Variants in KCNAB1 observed in about 807,000 individuals in gnomAD.
The protein encoded by KCNAB1 is potassium voltage-gated channel subfamily A regulatory beta subunit 1, also known as voltage-gated potassium channel subunit beta-1.
KCNAB1 carries 35 observed loss-of-function variants against 64.6 expected under a neutral mutation model. The observed-to-expected ratio is 0.54, with a 90% CI of 0.41 to 0.72. The LOEUF is 0.72. KCNAB1 is among the 30% of genes least tolerant of loss of function. KCNAB1 has a pLI of 0.00. For synonymous variants in KCNAB1, 177 were observed against 183.8 expected (o/e 0.96, Z 0.30); for missense variants, 401 against 512.9 (o/e 0.78, Z 2.11).
intron 1 of KCNAB1, among the ~76,000 whole-genome samples, chr3:156,250,731 A>C (rs534731632): frequency 1.3e-3 from 202 of 152,290 alleles, no homozygotes; most frequent in African/African-American, 4.7e-3. Context: ...GATGATGTGG[A>C]AAGGGGATTT....
At chr3:156,463,868 T>C (rs1169016455) in intron 6 of KCNAB1, 122 bp downstream of exon 6, 7 of 667,550 alleles carry the variant, frequency 1.0e-5, no homozygotes, top group Non-Finnish European at 1.7e-5. Flanking sequence ...TTTTTGTTTT[T>C]TTTTTGTTTT....
At chr3:156,476,370 C>T (rs1714343352) in intron 8 of KCNAB1, among the ~76,000 whole-genome samples, 1 of 152,098 alleles carries the variant, frequency 6.6e-6, no homozygotes, top group Non-Finnish European at 1.5e-5. Flanking sequence ...TAGCTTAGTT[C>T]TCACATATCG....
intron 1 of KCNAB1, among the ~76,000 whole-genome samples, chr3:156,141,060 CTT>C (rs111752364): frequency 1.4e-5 from 2 of 143,410 alleles, no homozygotes; most frequent in Admixed American, 7.0e-5. Context: ...AGTTTCTTTG[CTT>C]TTTTTTTTTT....
At chr3:156,216,855 C>T (rs1214489127) in intron 1 of KCNAB1, 2 of 152,174 alleles carry the variant, frequency 1.3e-5, no homozygotes, top group Non-Finnish European at 2.9e-5. Flanking sequence ...AGAGTTTAAG[C>T]CCACATCTGT....
intron 1 of KCNAB1, among the ~76,000 whole-genome samples, chr3:156,249,598 A>G (rs1464987165): frequency 6.6e-6 from 1 of 152,064 alleles, no homozygotes; most frequent in Admixed American, 6.6e-5. Flanking sequence ...AAGAAAAAAA[A>G]GTAAATGCAG....
intron 1 of KCNAB1, among the ~76,000 whole-genome samples, chr3:156,167,790 A>G (rs1397575021): frequency 1.3e-5 from 2 of 152,214 alleles, no homozygotes; most frequent in Non-Finnish European, 2.9e-5. Context: ...ACTGTGCTTT[A>G]GTTCTAGCAT....
At chr3:156,356,494 G>A (rs1725254869) in intron 1 of KCNAB1, among the ~76,000 whole-genome samples, 1 of 152,056 alleles carries the variant, frequency 6.6e-6, no homozygotes, top group South Asian at 2.1e-4. Flanking sequence ...CCCCAAAGAG[G>A]GGCGGTGACA....
At chr3:156,424,826 C>T (rs748681604) in intron 2 of KCNAB1, among the ~76,000 whole-genome samples, 40 of 152,104 alleles carry the variant, frequency 2.6e-4, no homozygotes, top group Non-Finnish European at 4.0e-4. Context: ...TTGAAACAGG[C>T]TTGATTCAGG....
At chr3:156,463,407 C>T (rs6441073) in intron 5 of KCNAB1, among the ~76,000 whole-genome samples, 2,586 of 152,240 alleles carry the variant, frequency 0.017, 95 homozygotes, top group African/African-American at 0.06. Flanking sequence ...TTTGCTATGT[C>T]GACATGGGCT....
intron 13 of KCNAB1, among the ~76,000 whole-genome samples, chr3:156,533,743 G>C (rs1468974275): frequency 2.0e-5 from 3 of 152,112 alleles, no homozygotes; most frequent in Admixed American, 1.3e-4. Context: ...GTTTGGGAAA[G>C]AGAGACACCA....
intron 1 of KCNAB1, among the ~76,000 whole-genome samples, chr3:156,379,273 T>C (rs1427804813): frequency 6.6e-6 from 1 of 152,176 alleles, no homozygotes; most frequent in Non-Finnish European, 1.5e-5. Context: ...GACATAGCAA[T>C]AAACAAATCC....
chr3:156,536,229 G>A (rs1217484249), intron 13 of KCNAB1, among the ~76,000 whole-genome samples: 1 of 152,148 alleles, frequency 6.6e-6, no homozygotes, highest in Non-Finnish European at 1.5e-5. Flanking sequence ...AGTGTAACAT[G>A]TTCACAAGAT....
In KCNAB1 at chr3:156,120,906, C is replaced by T. The variant is rs369224487; in HGVS notation, c.275+20C>T. 2.5e-6 allele frequency: 4 copies of T among 1,610,686 alleles called. No homozygotes were observed. The highest frequency in any genetic ancestry group is 4.5e-5 in the East Asian group (2 of 44,822). On this transcript the variant is annotated intron_variant, in intron 1 of 13. Coordinates refer to ENST00000490337, the MANE Select transcript of KCNAB1 (RefSeq NM_172160.3). Reference sequence around the variant, plus strand: ...GCACAGGTAAGCTGCCCCTGCTCTGCGCGGGCTTTGGGAGACGCCGTTCGA... The same window carrying T: ...GCACAGGTAAGCTGCCCCTGCTCTGTGCGGGCTTTGGGAGACGCCGTTCGA...
intron 1 of KCNAB1, among the ~76,000 whole-genome samples, chr3:156,252,077 G>A (rs1306462181): frequency 6.6e-6 from 1 of 152,200 alleles, no homozygotes; most frequent in Non-Finnish European, 1.5e-5. Flanking sequence ...ATGACCCCCA[G>A]GAAATGGAGA....
chr3:156,212,225 C>A (rs1445563702), intron 1 of KCNAB1, among the ~76,000 whole-genome samples: 1 of 152,152 alleles, frequency 6.6e-6, no homozygotes, highest in African/African-American at 2.4e-5. Flanking sequence ...GCAGTACATT[C>A]TTCACCTGGA....
At chr3:156,347,440 G>T (rs1268519271) in intron 1 of KCNAB1, among the ~76,000 whole-genome samples, 1 of 152,210 alleles carries the variant, frequency 6.6e-6, no homozygotes. Context: ...AGACACCTCT[G>T]TCTTTCTCTC....
chr3:156,439,072 G>T (rs1716803448), intron 2 of KCNAB1, among the ~76,000 whole-genome samples: 1 of 151,868 alleles, frequency 6.6e-6, no homozygotes, highest in Admixed American at 6.6e-5. Flanking sequence ...AGACTACCTG[G>T]ACTCATCCTG....
intron 2 of KCNAB1, among the ~76,000 whole-genome samples, chr3:156,426,358 C>A (rs776722867): frequency 2.0e-5 from 3 of 152,116 alleles, no homozygotes; most frequent in Non-Finnish European, 2.9e-5. Flanking sequence ...CAAAACTGAG[C>A]AAAAAGCACA....
chr3:156,312,053 C>T (rs557356516), intron 1 of KCNAB1, among the ~76,000 whole-genome samples: 11 of 152,272 alleles, frequency 7.2e-5, no homozygotes, highest in Non-Finnish European at 1.3e-4. Flanking sequence ...TTTAAACTGC[C>T]GTGTGCTCCC....
Sources: gnomAD v4.1 joint callset for allele counts (sites outside exome capture counted in the v4.1 genomes callset) on GRCh38, gnomAD v4.1.1 for gene constraint, MANE v1.5 for transcripts, NCBI Gene and HGNC (gene_info 2026-07-23, HGNC 2026-07-21) for gene names.